CATSPERT: variants seen among roughly 807,000 people sequenced by gnomAD.
The protein encoded by CATSPERT is catsper channel auxiliary subunit tau.
chr2:201,569,157 A>G, the CATSPERT span, among the ~76,000 whole-genome samples: 1 of 152,186 alleles, frequency 6.6e-6, no homozygotes, highest in Non-Finnish European at 1.5e-5. Flanking sequence ...TACTAACAGC[A>G]TAAATTTTTG....
At chr2:201,492,278 T>A in the CATSPERT span, 1 of 1,533,660 alleles carries the variant, frequency 6.5e-7, no homozygotes, top group Non-Finnish European at 8.7e-7. Context: ...GAACTAGAAT[T>A]AAGCAAATTT....
the CATSPERT span, among the ~76,000 whole-genome samples, chr2:201,583,418 A>G: frequency 5.3e-5 from 8 of 152,352 alleles, no homozygotes; most frequent in Admixed American, 3.9e-4. Flanking sequence ...CTAATAAGCT[A>G]TAAACAAAAA....
the CATSPERT span, among the ~76,000 whole-genome samples, chr2:201,565,229 C>T: frequency 1.3e-5 from 2 of 151,332 alleles, no homozygotes; most frequent in African/African-American, 2.4e-5. Context: ...CCAGCACTTT[C>T]GGAGGCTGAG....
At chr2:201,505,094 T>C in the CATSPERT span, among the ~76,000 whole-genome samples, 79 of 149,100 alleles carry the variant, frequency 5.3e-4, no homozygotes, top group African/African-American at 1.8e-3. Context: ...AATGGTTCAC[T>C]TTTTTTTTTG....
chr2:201,611,078 A>G, the CATSPERT span, among the ~76,000 whole-genome samples: 3 of 152,302 alleles, frequency 2.0e-5, no homozygotes, highest in Admixed American at 2.0e-4. Flanking sequence ...AAGAATGCCC[A>G]CTTTCACCAC....
the CATSPERT span, among the ~76,000 whole-genome samples, chr2:201,551,269 T>A: frequency 3.2e-4 from 48 of 152,314 alleles, no homozygotes; most frequent in Middle Eastern, 3.4e-3. Flanking sequence ...CCATAAAATA[T>A]ACACAGATTT....
At chr2:201,568,806 A>G in the CATSPERT span, among the ~76,000 whole-genome samples, 8,370 of 152,256 alleles carry the variant, frequency 0.055, 278 homozygotes, top group African/African-American at 0.08. Context: ...CCCAAAATAA[A>G]AGCCTTCATT....
chr2:201,589,052 G>T, the CATSPERT span, among the ~76,000 whole-genome samples: 1 of 151,954 alleles, frequency 6.6e-6, no homozygotes, highest in Non-Finnish European at 1.5e-5. Context: ...TAACTAGAGA[G>T]GTGAAAGATC....
the CATSPERT span, among the ~76,000 whole-genome samples, chr2:201,503,478 T>C: frequency 1.2e-4 from 18 of 152,282 alleles, no homozygotes; most frequent in East Asian, 2.9e-3. Context: ...CACTGTAGCC[T>C]CTAACTCCTG....
chr2:201,495,895 C>T, the CATSPERT span: 1 of 1,581,236 alleles, frequency 6.3e-7, no homozygotes, highest in Non-Finnish European at 8.6e-7. Flanking sequence ...CAGGACTCAC[C>T]TGAAATTTTG....
the CATSPERT span, among the ~76,000 whole-genome samples, chr2:201,566,280 C>T: frequency 0.42 from 62,813 of 150,800 alleles, 13,670 homozygotes; most frequent in East Asian, 0.75. Context: ...CATATGTATA[C>T]ATGTGCCATG....
At chr2:201,534,347 A>G in the CATSPERT span, 1 of 929,588 alleles carries the variant, frequency 1.1e-6, no homozygotes, top group South Asian at 5.0e-5. Flanking sequence ...ATCTTTTTTA[A>G]TCCACTAGGT....
At chr2:201,589,385 T>C in the CATSPERT span, among the ~76,000 whole-genome samples, 1 of 152,072 alleles carries the variant, frequency 6.6e-6, no homozygotes, top group Non-Finnish European at 1.5e-5. Flanking sequence ...CAAAACAGCA[T>C]GGTACTGGTA....
chr2:201,614,380 C>A, the CATSPERT span, among the ~76,000 whole-genome samples: 1 of 152,162 alleles, frequency 6.6e-6, no homozygotes, highest in Non-Finnish European at 1.5e-5. Context: ...ACTCTACAAG[C>A]CAGAAGAGAG....
chr2:201,560,054 G>A, the CATSPERT span, among the ~76,000 whole-genome samples: 1 of 152,144 alleles, frequency 6.6e-6, no homozygotes, highest in Admixed American at 6.5e-5. Flanking sequence ...TGATTTAAAT[G>A]ATAAATTCAA....
chr2:201,567,896 A>C, the CATSPERT span, among the ~76,000 whole-genome samples: 2 of 152,200 alleles, frequency 1.3e-5, no homozygotes, highest in Non-Finnish European at 2.9e-5. Flanking sequence ...AGCAGCTTGC[A>C]TGGCAGCCTG....
At chr2:201,559,703 A>G in the CATSPERT span, among the ~76,000 whole-genome samples, 3 of 152,248 alleles carry the variant, frequency 2.0e-5, no homozygotes, top group African/African-American at 7.2e-5. Flanking sequence ...TGTGAAGACT[A>G]AACTACTGGA....
At chr2:201,562,315 G>A in the CATSPERT span, among the ~76,000 whole-genome samples, 1 of 150,390 alleles carries the variant, frequency 6.6e-6, no homozygotes, top group East Asian at 2.0e-4. Flanking sequence ...AGCCTCCCGA[G>A]TAGGTGGGAC....
chr2:201,521,590 G>T, the CATSPERT span, among the ~76,000 whole-genome samples: 3 of 152,256 alleles, frequency 2.0e-5, no homozygotes, highest in Non-Finnish European at 4.4e-5. Context: ...TATCCAATTT[G>T]ACATTACATT....
Sources: gnomAD v4.1 joint callset for allele counts (sites outside exome capture counted in the v4.1 genomes callset) on GRCh38, gnomAD v4.1.1 for gene constraint, MANE v1.5 for transcripts, NCBI Gene and HGNC (gene_info 2026-07-23, HGNC 2026-07-21) for gene names.